BRINP2: variants seen among roughly 807,000 people sequenced by gnomAD.
BRINP2 encodes the protein BMP/retinoic acid inducible neural specific 2.
In BRINP2, 21 loss-of-function variants were observed where a neutral mutation model predicts 69.2. That is an observed-to-expected ratio of 0.30 (90% CI 0.22 to 0.44). The LOEUF is 0.44. Ranked by LOEUF, BRINP2 falls within the 20% of genes least tolerant of loss-of-function variation. The pLI is 1.00. For synonymous variants in BRINP2, 380 were observed against 394.1 expected (o/e 0.96, Z 0.42); for missense variants, 877 against 986.0 (o/e 0.89, Z 1.48).
chr1:177,281,284 A>C lies in BRINP2; in HGVS notation c.2108A>C (p.Gln703Pro). ...DPDAIRDLIL[Q>P]LDYPYTQGSQ... ...GATGCTATCCGGGACTTAATTCTCCAGTTGGACTACCCATATACTCAAGGT... is the reference window on the plus strand; with the variant it reads ...GATGCTATCCGGGACTTAATTCTCCCGTTGGACTACCCATATACTCAAGGT... Residue 703 changes from glutamine (Q) to proline (P), a missense_variant, in exon 8 of 8, where the codon CAG (glutamine) becomes CCG (proline). By Grantham distance (76) the Gln-to-Pro change is moderately conservative (BLOSUM62 -1). Around this residue, in one of 3 missense-constraint regions of BRINP2, gnomAD observed 225 missense variants for 218.7 expected, o/e 1.03. Transcript: ENST00000361539. 6.2e-7 allele frequency: 1 copy of C among 1,614,164 alleles called. No individual in the cohort carries two copies. Among genetic ancestry groups the C allele is most frequent in the Non-Finnish European group, 8.5e-7 (1 of 1,180,028 alleles).
chr1:177,252,263 G>A (rs575001686), intron 2 of BRINP2, among the ~76,000 whole-genome samples: 38 of 152,200 alleles, frequency 2.5e-4, no homozygotes, highest in Non-Finnish European at 5.0e-4. Context: ...GCTACACAGC[G>A]GGAATTTTGA....
At chr1:177,180,256 C>T (rs1648206278) in intron 1 of BRINP2, among the ~76,000 whole-genome samples, 1 of 152,182 alleles carries the variant, frequency 6.6e-6, no homozygotes, top group South Asian at 2.1e-4. Flanking sequence ...GGGCTCTTGC[C>T]CCTGCACCAT....
At chr1:177,203,880 G>T (rs972924795) in intron 1 of BRINP2, among the ~76,000 whole-genome samples, 1 of 152,172 alleles carries the variant, frequency 6.6e-6, no homozygotes, top group Non-Finnish European at 1.5e-5. Flanking sequence ...GATGTTTCAA[G>T]AGGCTATAAT....
intron 1 of BRINP2, among the ~76,000 whole-genome samples, chr1:177,187,073 A>G (rs559881595): frequency 9.7e-4 from 147 of 152,300 alleles, no homozygotes; most frequent in African/African-American, 3.4e-3. Context: ...AGGAGGGACA[A>G]ATGAGGTCTG....
intron 1 of BRINP2, among the ~76,000 whole-genome samples, chr1:177,183,300 T>C (rs1273703250): frequency 6.6e-6 from 1 of 151,774 alleles, no homozygotes; most frequent in Non-Finnish European, 1.5e-5. Flanking sequence ...TTTTGTGATA[T>C]ATGGTTCATG....
intron 1 of BRINP2, among the ~76,000 whole-genome samples, chr1:177,173,296 T>C (rs528269292): frequency 6.6e-6 from 1 of 152,320 alleles, no homozygotes; most frequent in South Asian, 2.1e-4. Context: ...TTGAGGAGGA[T>C]ATAATTTGAA....
intron 1 of BRINP2, among the ~76,000 whole-genome samples, chr1:177,186,328 A>C (rs1464427240): frequency 6.6e-6 from 1 of 152,154 alleles, no homozygotes; most frequent in Non-Finnish European, 1.5e-5. Flanking sequence ...ATCATAATAC[A>C]AAAAAGAAAA....
intron 4 of BRINP2, among the ~76,000 whole-genome samples, chr1:177,270,834 A>G (rs1453008099): frequency 6.6e-6 from 1 of 152,182 alleles, no homozygotes; most frequent in East Asian, 1.9e-4. Flanking sequence ...ACTTCCCCAG[A>G]GTAGCTGGGA....
chr1:177,272,072 G>A (rs1162474339), intron 4 of BRINP2, among the ~76,000 whole-genome samples: 2 of 152,188 alleles, frequency 1.3e-5, no homozygotes, highest in Admixed American at 6.5e-5. Flanking sequence ...GCACTTCCAA[G>A]CTGTGTGCTG....
chr1:177,177,484 G>A (rs1248371229), intron 1 of BRINP2, among the ~76,000 whole-genome samples: 1 of 152,168 alleles, frequency 6.6e-6, no homozygotes, highest in African/African-American at 2.4e-5. Flanking sequence ...TCATTCTATA[G>A]TTCACAAAAG....
In BRINP2 at chr1:177,229,868, G is replaced by C. The variant is rs372391592; in HGVS notation, c.-9G>C. 3 of 1,571,612 alleles carry C rather than the reference G, an allele frequency of 1.9e-6. No homozygotes were observed. Among genetic ancestry groups the C allele is most frequent in the South Asian group, 2.3e-5 (2 of 85,744 alleles). The stretch of plus-strand genomic sequence containing the variant: ...GAGAGAATGAAGAAACCAATCGCCC[G>C]GGAGAAGCATGAGGTGGCAGTGTGG... On this transcript the variant is annotated 5_prime_UTR_variant, in exon 2 of 8. Transcript: ENST00000361539.
intron 2 of BRINP2, among the ~76,000 whole-genome samples, chr1:177,240,997 A>G (rs1453361280): frequency 6.7e-6 from 1 of 149,704 alleles, no homozygotes. Flanking sequence ...TTTGAGATGG[A>G]GTCTCGCTCT....
In BRINP2 at chr1:177,201,403, A is replaced by T. The variant is rs575084140; in HGVS notation, c.-76-28398A>T. On this transcript the variant is annotated intron_variant, in intron 1 of 7. Transcript: ENST00000361539. ...ATTTCTTTAATAAGAGAGAAGGTAC[A>T]CTATTTCTTCAGTTTTCTCTTGAGG... Among the ~76,000 whole-genome samples the T allele has an allele frequency of 7.9e-5, 12 of 152,304 alleles. No individual in the cohort carries two copies. In the South Asian group the frequency reaches 2.5e-3, roughly 32 times the overall value.
chr1:177,277,975 A>G (rs553601432), intron 6 of BRINP2, among the ~76,000 whole-genome samples: 17 of 152,292 alleles, frequency 1.1e-4, no homozygotes, highest in African/African-American at 3.8e-4. Context: ...GGCAGAATGG[A>G]TATCTGTCCA....
rs1396457933 is a variant in BRINP2, at chr1:177,171,067, C to T, written c.-742C>T. On this transcript the variant is annotated 5_prime_UTR_variant, in exon 1 of 8. Transcript: ENST00000361539. ...CTGCCTCGCAAGCTGCTCGCCGCTG[C>T]GCTGGCAGCGCTTACGCTGAGCTCG... Among the ~76,000 whole-genome samples the T allele has an allele frequency of 6.6e-6, 1 of 152,238 alleles. No homozygotes were observed. The highest frequency in any genetic ancestry group is 6.5e-5 in the Admixed American group (1 of 15,286).
intron 1 of BRINP2, among the ~76,000 whole-genome samples, chr1:177,201,076 G>T (rs1169922712): frequency 1.3e-5 from 2 of 151,836 alleles, no homozygotes; most frequent in Non-Finnish European, 2.9e-5. Context: ...CTACACATTG[G>T]GTACAGTGTA....
intron 1 of BRINP2, among the ~76,000 whole-genome samples, chr1:177,228,668 C>G (rs1980443): frequency 0.35 from 53,744 of 152,078 alleles, 10,189 homozygotes; most frequent in South Asian, 0.54. Context: ...CGAATTGGTG[C>G]TGACGAGGGG....
chr1:177,262,724 T>C (rs1356502058), intron 4 of BRINP2, among the ~76,000 whole-genome samples: 1 of 152,196 alleles, frequency 6.6e-6, no homozygotes, highest in African/African-American at 2.4e-5. Context: ...TGGCTTCTTC[T>C]TCTTGATTTC....
At chr1:177,195,272 G>T (rs1191362910) in intron 1 of BRINP2, among the ~76,000 whole-genome samples, 1 of 151,952 alleles carries the variant, frequency 6.6e-6, no homozygotes, top group African/African-American at 2.4e-5. Context: ...AAATATTATT[G>T]GGCCATTGCC....
Sources: gnomAD v4.1 joint callset for allele counts (sites outside exome capture counted in the v4.1 genomes callset) on GRCh38, gnomAD v4.1.1 for gene constraint, gnomAD v4.1.1 regional missense constraint, MANE v1.5 for transcripts, NCBI Gene and HGNC (gene_info 2026-07-23, HGNC 2026-07-21) for gene names.